RAP1GAP2: variants seen among roughly 807,000 people sequenced by gnomAD.
RAP1GAP2 encodes rap1 GTPase-activating protein 2.
A neutral mutation model predicts 95.0 loss-of-function variants in RAP1GAP2; 27 were observed. The observed-to-expected ratio is 0.28, with a 90% CI of 0.21 to 0.39. The LOEUF is 0.39. Ranked by LOEUF, RAP1GAP2 falls within the 10% of genes least tolerant of loss-of-function variation. The pLI, the probability that RAP1GAP2 is intolerant of heterozygous loss-of-function variation, is 1.00. For synonymous variants in RAP1GAP2, 373 were observed against 380.9 expected (o/e 0.98, Z 0.24); for missense variants, 771 against 970.0 (o/e 0.79, Z 2.72).
intron 3 of RAP1GAP2, among the ~76,000 whole-genome samples, chr17:2,947,881 AC>A (rs2043763850): frequency 6.6e-6 from 1 of 151,230 alleles, no homozygotes; most frequent in Non-Finnish European, 1.5e-5. Flanking sequence ...CGGATGAGAA[AC>A]TCACTCTGAC....
intron 14 of RAP1GAP2, among the ~76,000 whole-genome samples, chr17:2,999,217 C>T (rs1257868448): frequency 6.6e-6 from 1 of 152,180 alleles, no homozygotes; most frequent in African/African-American, 2.4e-5. Context: ...CTCTGACCCT[C>T]CCTCCTCTGC....
rs371914145 is a variant in RAP1GAP2 at position 2,897,258 on chromosome 17, A to G, written c.81-8026A>G. Among the ~76,000 whole-genome samples, 4 of 152,062 alleles carry G rather than the reference A, an allele frequency of 2.6e-5. No homozygotes were observed. The East Asian group carries it at 5.9e-4, about 22-fold the overall frequency. On this transcript the variant is annotated intron_variant, in intron 2 of 24. Coordinates refer to ENST00000254695, the MANE Select transcript of RAP1GAP2 (RefSeq NM_015085.5). ...GAGGCTGAGGCAGGAGAATTGCCGG[A>G]ACCCAGGAGGCGGAGGCTGCAGTGA...
chr17:2,814,560 G>A (rs115447821), intron 2 of RAP1GAP2, among the ~76,000 whole-genome samples: 308 of 152,276 alleles, frequency 2.0e-3, no homozygotes, highest in African/African-American at 7.0e-3. Flanking sequence ...CTCCCGCGCC[G>A]TGGGGATCTG....
intron 17 of RAP1GAP2, among the ~76,000 whole-genome samples, chr17:3,011,019 C>T (rs1230408323): frequency 3.9e-5 from 6 of 152,018 alleles, no homozygotes; most frequent in African/African-American, 7.2e-5. Flanking sequence ...CTCTGCCTCC[C>T]GGGTTCAAGT....
rs2042088314 is a variant in RAP1GAP2, at chr17:2,903,401, G to C, written c.81-1883G>C. On this transcript the variant is annotated intron_variant, in intron 2 of 24. Transcript: ENST00000254695. This position sits in a 1 kb window ranked among gnomAD's most constrained non-coding sequence, Gnocchi z 4.1. The stretch of plus-strand genomic sequence containing the variant: ...AGTGTCTGGCAGAGCAGCCAGACTG[G>C]AGCCTACGGTGGTAATGTCCAAGGC... Among the ~76,000 whole-genome samples the C allele has an allele frequency of 6.6e-6, 1 of 152,192 alleles. No individual in the cohort carries two copies. The highest frequency in any genetic ancestry group is 1.5e-5 in the Non-Finnish European group (1 of 68,036).
rs201767822 is a variant in RAP1GAP2, at chr17:2,873,909, T to C, written c.81-31375T>C. On this transcript the variant is annotated intron_variant, in intron 2 of 24. Transcript: ENST00000254695. ...TCCCGAGTAGCTGGGATTACAGGCA[T>C]GCGCCACCACGCCTGGCTAATTCTG... Among the ~76,000 whole-genome samples, 239 of 84,968 alleles carry C rather than the reference T, an allele frequency of 2.8e-3. 3 individuals are homozygous for C. Among genetic ancestry groups the C allele is most frequent in the African/African-American group, 0.012 (216 of 18,294 alleles). 55.7% of individuals were successfully genotyped at this position (84,968 alleles called of 152,430 possible).
chr17:2,982,355 G>A (rs2045395699), intron 10 of RAP1GAP2, among the ~76,000 whole-genome samples: 1 of 152,136 alleles, frequency 6.6e-6, no homozygotes, highest in Non-Finnish European at 1.5e-5. Flanking sequence ...GGCCAGGCTG[G>A]TCTCGAACTG....
In RAP1GAP2 at chr17:2,904,308, G is replaced by A. The variant is rs2042117367; in HGVS notation, c.81-976G>A. On this transcript the variant is annotated intron_variant, in intron 2 of 24. Transcript: ENST00000254695. The surrounding 1 kb of genome is among the most constrained non-coding windows in gnomAD (Gnocchi z 4.7). ...TGATCCCATGCCAAACCGTCTGCTT[G>A]GTGATGGGACCGCACACAGCACTCC... is the stretch of plus-strand genomic sequence containing the variant. Among the ~76,000 whole-genome samples, 1 of 152,154 alleles carries A rather than the reference G, an allele frequency of 6.6e-6. No individual in the cohort carries two copies. Among genetic ancestry groups the A allele is most frequent in the South Asian group, 2.1e-4 (1 of 4,836 alleles).
chr17:2,922,065 G>A (rs891308915), intron 3 of RAP1GAP2, among the ~76,000 whole-genome samples: 2 of 152,146 alleles, frequency 1.3e-5, no homozygotes, highest in African/African-American at 4.8e-5. Flanking sequence ...CCTTAGACTG[G>A]GTAATTTACA....
chr17:3,030,333 C>A (rs1197456873), intron 22 of RAP1GAP2, among the ~76,000 whole-genome samples: 9 of 152,062 alleles, frequency 5.9e-5, no homozygotes, highest in Non-Finnish European at 8.8e-5. Flanking sequence ...TTCTTTTGTG[C>A]TATTCACAAT....
At position 2,770,092 on chromosome 17, in the gene RAP1GAP2, A is replaced by G. The variant is rs962177706; in HGVS notation, c.51-237A>G. ...GGTCTCAAAACAAAAAAAAAAAAAA[A>G]AAGAAGAAGAAAGGAAAGCTTTTCC... On this transcript the variant is annotated intron_variant, in intron 1 of 25. Coordinates refer to the RAP1GAP2 transcript ENST00000637138. 1.9e-4 allele frequency among the ~76,000 whole-genome samples: 29 copies of G among 150,362 alleles called. 1 individual carries two copies. Among genetic ancestry groups the G allele is most frequent in the South Asian group, 8.4e-4 (4 of 4,770 alleles).
At chr17:2,975,613 G>T (rs957871958) in intron 8 of RAP1GAP2, among the ~76,000 whole-genome samples, 2 of 152,196 alleles carry the variant, frequency 1.3e-5, no homozygotes, top group Non-Finnish European at 2.9e-5. Context: ...CTCCCTGATG[G>T]GCGTGTTTGG....
intron 2 of RAP1GAP2, among the ~76,000 whole-genome samples, chr17:2,832,482 C>T (rs1396358124): frequency 2.8e-4 from 41 of 146,792 alleles, no homozygotes; most frequent in African/African-American, 8.1e-4. Flanking sequence ...GGCGTGAACC[C>T]AGGAGGTGGA....
intron 8 of RAP1GAP2, among the ~76,000 whole-genome samples, chr17:2,969,098 A>G (rs149240836): frequency 7.0e-4 from 106 of 152,226 alleles, no homozygotes; most frequent in African/African-American, 2.5e-3. Context: ...ATCACTTGAC[A>G]TATCAATACT....
intron 3 of RAP1GAP2, among the ~76,000 whole-genome samples, chr17:2,926,781 G>T (rs1184601198): frequency 6.6e-6 from 1 of 151,868 alleles, no homozygotes; most frequent in African/African-American, 2.4e-5. Flanking sequence ...GAGGCGGGCG[G>T]ATCACCTGAG....
intron 17 of RAP1GAP2, among the ~76,000 whole-genome samples, chr17:3,011,556 A>T (rs565692520): frequency 4.7e-5 from 7 of 149,576 alleles, no homozygotes; most frequent in African/African-American, 1.7e-4. Context: ...AACAAGTGAT[A>T]CCTGAAATGT....
chr17:2,912,592 T>C (rs12603758), intron 3 of RAP1GAP2, among the ~76,000 whole-genome samples: 21,993 of 151,850 alleles, frequency 0.14, 3,029 homozygotes, highest in East Asian at 0.64. Context: ...AAACCCTGTG[T>C]AGGGACAGGA....
chr17:2,882,887 A>G (rs1412622869), intron 2 of RAP1GAP2, among the ~76,000 whole-genome samples: 2 of 152,240 alleles, frequency 1.3e-5, no homozygotes, highest in East Asian at 3.8e-4. Flanking sequence ...GGCTAGCGCT[A>G]TGCTGGCACA....
At chr17:2,939,526 G>C (rs2043413184) in intron 3 of RAP1GAP2, among the ~76,000 whole-genome samples, 2 of 152,232 alleles carry the variant, frequency 1.3e-5, no homozygotes, top group South Asian at 4.1e-4. Context: ...CCAGTTCAGA[G>C]AAGGGAAAAT....
Sources: allele counts gnomAD v4.1 joint callset (sites outside exome capture counted in the v4.1 genomes callset), GRCh38; gene constraint gnomAD v4.1.1; non-coding constraint Gnocchi (gnomAD v3.1); transcripts MANE v1.5; gene names NCBI Gene and HGNC (gene_info 2026-07-23, HGNC 2026-07-21).